The following ANKRD28 variants were observed in gnomAD, a reference collection of about 807,000 sequenced individuals.
The protein encoded by ANKRD28 is serine/threonine-protein phosphatase 6 regulatory ankyrin repeat subunit A.
A neutral mutation model predicts 126.5 loss-of-function variants in ANKRD28; 44 were observed. The observed-to-expected ratio is 0.35, with a 90% CI of 0.27 to 0.45. The LOEUF is 0.45. Among genes scored for constraint, ANKRD28 ranks in the 20% least tolerant of loss-of-function variants. The pLI is 1.00. For missense variants in ANKRD28, 1,110 were observed against 1,316.6 expected, an observed-to-expected ratio of 0.84 and a Z score of 2.43; for synonymous variants, 442 against 468.5, an observed-to-expected ratio of 0.94 and a Z score of 0.73.
At chr3:15,754,492 A>T (rs1454844903) in intron 3 of ANKRD28, among the ~76,000 whole-genome samples, 3 of 148,320 alleles carry the variant, frequency 2.0e-5, no homozygotes, top group South Asian at 2.1e-4. Flanking sequence ...AGTTCTCAAT[A>T]AAAAAAAAAT....
intron 1 of ANKRD28, among the ~76,000 whole-genome samples, chr3:15,858,858 A>G (rs1027467822): frequency 6.6e-6 from 1 of 152,224 alleles, no homozygotes; most frequent in African/African-American, 2.4e-5. Context: ...AAGTAACAAG[A>G]TGGTGCACAA....
chr3:15,694,865 T>C (rs1366918293), intron 16 of ANKRD28, 52 bp from the exon 17 acceptor site: 1 of 1,541,100 alleles, frequency 6.5e-7, no homozygotes, highest in Non-Finnish European at 9.0e-7. Flanking sequence ...ACAGCAATTA[T>C]TCTCTCCCAC....
In ANKRD28 at chr3:15,814,358, A is replaced by C; in HGVS notation, c.28-19052T>G. 9.7e-7 allele frequency: 1 copy of C among 1,034,788 alleles called. No homozygotes were observed. Among genetic ancestry groups the C allele is most frequent in the Non-Finnish European group, 1.3e-6 (1 of 782,086 alleles). The allele number at this position is 1,034,788 out of a possible 1,614,324, so 64.1% of individuals were successfully genotyped here. A position where few individuals can be genotyped will look rare whatever the true frequency, so the allele number is the denominator to read the frequency against. ...AAGAAAGAATACGCTGATCCTAGAA[A>C]TTAAGGGCTATGTTATTTATAAATA... On this transcript the variant is annotated intron_variant, in intron 1 of 27. Transcript: ENST00000399451. The surrounding 1 kb of genome is among the most constrained non-coding windows in gnomAD (Gnocchi z 4.7).
intron 27 of ANKRD28, among the ~76,000 whole-genome samples, chr3:15,670,878 A>G (rs1239041714): frequency 6.6e-6 from 1 of 152,190 alleles, no homozygotes; most frequent in Non-Finnish European, 1.5e-5. Flanking sequence ...AAAACACCAC[A>G]TATCGTGAAT....
At position 15,700,219 on chromosome 3, in the gene ANKRD28, C is replaced by T. The variant is rs1019073309; in HGVS notation, c.1548-3974G>A. Reference sequence around the variant, plus strand: ...ATGGAGGGGAACATTACACACACAACTCTCACTCTTAAGTGGAAGTTGAGC... The same window carrying T: ...ATGGAGGGGAACATTACACACACAATTCTCACTCTTAAGTGGAAGTTGAGC... On this transcript the variant is annotated intron_variant, in intron 14 of 27. Transcript: ENST00000683139. 4.5e-4 allele frequency among the ~76,000 whole-genome samples: 68 copies of T among 152,224 alleles called. 1 individual carries two copies. Among genetic ancestry groups the T allele is most frequent in the African/African-American group, 1.6e-3 (65 of 41,536 alleles).
At chr3:15,810,268 T>C (rs2060684697) in intron 1 of ANKRD28, among the ~76,000 whole-genome samples, 2 of 151,530 alleles carry the variant, frequency 1.3e-5, no homozygotes, top group African/African-American at 2.4e-5. Flanking sequence ...ACAACTTCTC[T>C]GGGAGAAAAA....
chr3:15,779,879 T>C (rs2059464979), intron 2 of ANKRD28, among the ~76,000 whole-genome samples: 1 of 152,220 alleles, frequency 6.6e-6, no homozygotes, highest in Non-Finnish European at 1.5e-5. Context: ...TTTCTAAGGC[T>C]TACTTGCTTT....
At chr3:15,743,286 T>G (rs1327287743) in intron 4 of ANKRD28, among the ~76,000 whole-genome samples, 1 of 151,836 alleles carries the variant, frequency 6.6e-6, no homozygotes, top group Non-Finnish European at 1.5e-5. Flanking sequence ...CTGCTGACCC[T>G]CCCTCCACTA....
At position 15,843,370 on chromosome 3, in the gene ANKRD28, G is replaced by A. The variant is rs1386677678; in HGVS notation, c.27+16007C>T. Among the ~76,000 whole-genome samples, 1 of 152,152 alleles carries A rather than the reference G, an allele frequency of 6.6e-6. No homozygotes were observed. The highest frequency in any genetic ancestry group is 6.6e-5 in the Admixed American group (1 of 15,264). ...CACTAAAGATTACATGTCAACATGAGATGTGGGCAAGAACACACATCCAAA... is the reference window on the plus strand; with the variant it reads ...CACTAAAGATTACATGTCAACATGAAATGTGGGCAAGAACACACATCCAAA... On this transcript the variant is annotated intron_variant, in intron 1 of 27. Transcript: ENST00000399451. This position sits in a 1 kb window ranked among gnomAD's most constrained non-coding sequence, Gnocchi z 5.2.
At position 15,724,442 on chromosome 3, in the gene ANKRD28, A is replaced by G; in HGVS notation, c.723T>C (p.His241=). The part of the protein sequence containing the change: ...CKDKKSYTPL[H]AAASSGMISV... ...TGATCATTCCACTAGAGGCTGCTGC[A>G]TGAAGAGGTGTATAAGACTTTTTAT... The change falls in exon 7 of 28, where the codon CAT becomes CAC. Residue 241 remains histidine, a synonymous_variant. Transcript: ENST00000683139. 6.2e-7 allele frequency: 1 copy of G among 1,603,970 alleles called. No individual in the cohort carries two copies. Among genetic ancestry groups the G allele is most frequent in the Non-Finnish European group, 8.5e-7 (1 of 1,174,746 alleles).
intron 8 of ANKRD28, 93 bp downstream of exon 8, chr3:15,720,822 A>C: frequency 5.3e-6 from 6 of 1,130,140 alleles, no homozygotes; most frequent in Non-Finnish European, 7.6e-6. Context: ...TGAGTTTATC[A>C]ATATTCCTTT....
intron 1 of ANKRD28, among the ~76,000 whole-genome samples, chr3:15,807,707 T>C (rs1418941992): frequency 1.3e-5 from 2 of 152,182 alleles, no homozygotes; most frequent in African/African-American, 2.4e-5. Context: ...TCATAAAGGG[T>C]TGATAAAGCT....
At chr3:15,676,422 T>G (rs547081978) in intron 26 of ANKRD28, among the ~76,000 whole-genome samples, 46 of 152,340 alleles carry the variant, frequency 3.0e-4, no homozygotes, top group African/African-American at 1.1e-3. Context: ...TGACTAATTT[T>G]TGGACCTTCA....
At chr3:15,687,003 G>A (rs1203962244) in intron 18 of ANKRD28, among the ~76,000 whole-genome samples, 1 of 151,452 alleles carries the variant, frequency 6.6e-6, no homozygotes, top group Non-Finnish European at 1.5e-5. Context: ...GAGTGTAGTG[G>A]TGTGATCTTG....
At chr3:15,775,986 C>T (rs1409066227) in intron 2 of ANKRD28, among the ~76,000 whole-genome samples, 1 of 152,044 alleles carries the variant, frequency 6.6e-6, no homozygotes, top group East Asian at 1.9e-4. Flanking sequence ...GGTGACAAGC[C>T]CTCATCTTTA....
At chr3:15,772,965 T>C (rs1259462979) in intron 2 of ANKRD28, among the ~76,000 whole-genome samples, 1 of 152,084 alleles carries the variant, frequency 6.6e-6, no homozygotes, top group Non-Finnish European at 1.5e-5. Flanking sequence ...AGAGTGAATG[T>C]TTTTTTCTGA....
At chr3:15,739,195 G>T (rs964075060) in intron 4 of ANKRD28, among the ~76,000 whole-genome samples, 4 of 152,238 alleles carry the variant, frequency 2.6e-5, no homozygotes, top group Non-Finnish European at 5.9e-5. Flanking sequence ...CAAAGATGAT[G>T]GGATTAAGAG....
At chr3:15,715,974 C>T (rs1479946725) in intron 8 of ANKRD28, among the ~76,000 whole-genome samples, 1 of 150,984 alleles carries the variant, frequency 6.6e-6, no homozygotes, top group Non-Finnish European at 1.5e-5. Flanking sequence ...AATATTTTAG[C>T]TATGGCCTTT....
Position 15,712,632 on chromosome 3 carries a change from T to C in ANKRD28, c.1191-410A>G, listed in dbSNP as rs1022148413. 2.0e-5 allele frequency among the ~76,000 whole-genome samples: 3 copies of C among 152,172 alleles called. No individual in the cohort carries two copies. The East Asian group carries it at 5.8e-4, about 29-fold the overall frequency. On this transcript the variant is annotated intron_variant, in intron 10 of 27. Transcript: ENST00000683139. ...AATTCACTACCCTGTCACCCCACCA[T>C]TGAAACATTTCCATAATGCAACATG... is the stretch of plus-strand genomic sequence containing the variant.
Sources: allele counts gnomAD v4.1 joint callset (sites outside exome capture counted in the v4.1 genomes callset), GRCh38; gene constraint gnomAD v4.1.1; non-coding constraint Gnocchi (gnomAD v3.1); transcripts MANE v1.5; gene names NCBI Gene and HGNC (gene_info 2026-07-23, HGNC 2026-07-21).